The following WDR11 variants were observed in gnomAD, a reference collection of about 807,000 sequenced individuals.
WDR11 encodes the protein WD repeat-containing protein 11.
Under a neutral mutation model 151.2 loss-of-function variants are expected in WDR11, and 83 were observed. That is an observed-to-expected ratio of 0.55 (90% CI 0.46 to 0.66). The LOEUF is 0.66. Ranked by LOEUF, WDR11 falls within the 30% of genes least tolerant of loss-of-function variation. The pLI, the probability that WDR11 is intolerant of heterozygous loss-of-function variation, is 0.00. For missense variants in WDR11, 1,301 were observed against 1,480.9 expected, an observed-to-expected ratio of 0.88 and a Z score of 1.99; for synonymous variants, 484 against 533.1, an observed-to-expected ratio of 0.91 and a Z score of 1.27.
In WDR11 at chr10:120,865,216, T is replaced by C. The variant is rs1846270796; in HGVS notation, c.879+4T>C. On this transcript the variant is annotated splice_donor_region_variant and intron_variant, in intron 6 of 28. Coordinates refer to ENST00000263461, the MANE Select transcript of WDR11 (RefSeq NM_018117.12). ...CACAGGAGTTCCATTTTTACAGGTA[T>C]CTACAATTCATAAATTATATTCCCC... 3.1e-6 allele frequency: 5 copies of C among 1,613,418 alleles called. No homozygotes were observed. Among genetic ancestry groups the C allele is most frequent in the Non-Finnish European group, 4.2e-6 (5 of 1,179,520 alleles).
chr10:120,860,711 C>T (rs914677067), intron 4 of WDR11, among the ~76,000 whole-genome samples: 10 of 152,114 alleles, frequency 6.6e-5, no homozygotes, highest in Non-Finnish European at 1.5e-4. Context: ...TAAACAGATG[C>T]ATGTAAAGAA....
rs555957467 is a variant in WDR11 at position 120,862,651 on chromosome 10, T to C, written c.527-84T>C. 87 of 1,339,792 alleles carry C rather than the reference T, an allele frequency of 6.5e-5. 1 individual carries two copies. The East Asian group carries it at 1.9e-3, about 30-fold the overall frequency. The allele number at this position is 1,339,792 out of a possible 1,614,324, so 83.0% of individuals were successfully genotyped here. A position where few individuals can be genotyped will look rare whatever the true frequency, so the allele number is the denominator to read the frequency against. On this transcript the variant is annotated intron_variant, in intron 4 of 28. Transcript: ENST00000263461. ...TTATATATTATTAAAATTATCACTATATTGCTCTCAAAATTGTATTGGAAT... is the reference window on the plus strand; with the variant it reads ...TTATATATTATTAAAATTATCACTACATTGCTCTCAAAATTGTATTGGAAT...
intron 5 of WDR11, among the ~76,000 whole-genome samples, chr10:120,863,387 A>C (rs1400403590): frequency 1.3e-5 from 2 of 152,194 alleles, no homozygotes; most frequent in Non-Finnish European, 2.9e-5. Flanking sequence ...GGGAAGCTTT[A>C]GCTATGAGAC....
intron 4 of WDR11, 35 bp from the exon 5 acceptor site, chr10:120,862,700 A>G: frequency 6.2e-7 from 1 of 1,605,994 alleles, no homozygotes; most frequent in Non-Finnish European, 8.5e-7. Context: ...AAACTTCATT[A>G]AACTTTAATC....
rs1009379239 is a variant in WDR11, at chr10:120,889,307, G to A, written c.2228+123G>A. 1.3e-4 allele frequency: 93 copies of A among 733,762 alleles called. 1 individual carries two copies. In the Middle Eastern group the frequency reaches 1.3e-3, roughly 11 times the overall value. 45.5% of individuals were successfully genotyped at this position (733,762 alleles called of 1,614,324 possible). On this transcript the variant is annotated intron_variant, in intron 17 of 28. Coordinates refer to ENST00000263461, the MANE Select transcript of WDR11 (RefSeq NM_018117.12). ...GGCTGGAGTGCAGTGGTGCAATCTC[G>A]GCTCACTGCAAGCTCTGACTCCCGG...
At chr10:120,889,505 G>A (rs1484610450) in intron 17 of WDR11, 2 of 395,232 alleles carry the variant, frequency 5.1e-6, no homozygotes, top group African/African-American at 2.0e-5. Flanking sequence ...CTCCCAAAGT[G>A]CTGGGATTAC....
chr10:120,865,827 A>G (rs1367551042), intron 7 of WDR11, 83 bp downstream of exon 7: 9 of 904,414 alleles, frequency 1.0e-5, no homozygotes, highest in East Asian at 2.6e-5. Context: ...CAGCCAAGGT[A>G]TATAGTTAAT....
chr10:120,892,675 G>A (rs919419379), intron 19 of WDR11, among the ~76,000 whole-genome samples: 2 of 152,186 alleles, frequency 1.3e-5, no homozygotes, highest in African/African-American at 2.4e-5. Flanking sequence ...AACAAGTAGA[G>A]AACGTAAAAT....
rs750304214 is a variant in WDR11, at chr10:120,862,846, A to T, written c.638A>T (p.Asn213Ile). The part of the protein sequence containing the change: ...ISSPHSSPAH[N>I]KLATATGAKK... ...AGCCCACACTCTAGCCCAGCTCATA[A>T]CAAGCTGGCCACAGCCACAGGTGCC... Residue 213 changes from asparagine (N) to isoleucine (I), a missense_variant, in exon 5 of 29, where the codon AAC becomes ATC. Transcript: ENST00000263461. 3.7e-6 allele frequency: 6 copies of T among 1,614,156 alleles called. No individual in the cohort carries two copies. The South Asian group carries it at 5.5e-5, about 15-fold the overall frequency.
At chr10:120,856,936 G>A (rs1458727442) in intron 2 of WDR11, among the ~76,000 whole-genome samples, 3 of 152,036 alleles carry the variant, frequency 2.0e-5, no homozygotes, top group Non-Finnish European at 4.4e-5. Flanking sequence ...TTCTTGTGAG[G>A]CTCTGGTCAC....
In WDR11 at chr10:120,860,144, G is replaced by A. The variant is rs770829424; in HGVS notation, c.388G>A (p.Asp130Asn). 8.1e-6 allele frequency: 13 copies of A among 1,613,950 alleles called. No individual in the cohort carries two copies. The highest frequency in any genetic ancestry group is 4.5e-5 in the East Asian group (2 of 44,884). Reference protein sequence around the residue: ...QWLWNQDASRDLLLAIHPPNY... With the variant: ...QWLWNQDASRNLLLAIHPPNY... ...GTTGTGGAATCAAGATGCTTCCCGC[G>A]ATTTACTGCTTGCTATCCACCCGCC... The change falls in exon 4 of 29, where the codon GAT becomes AAT. Residue 130 changes from aspartate (D) to asparagine (N), a missense_variant. Around this residue, in one of 3 missense-constraint regions of WDR11, gnomAD observed 692 missense variants for 762.5 expected, o/e 0.91. Transcript: ENST00000263461.
chr10:120,852,928 A>G (rs1590048290), intron 2 of WDR11, among the ~76,000 whole-genome samples: 1 of 152,318 alleles, frequency 6.6e-6, no homozygotes, highest in East Asian at 1.9e-4. Context: ...TATGGAGATG[A>G]AAGCCCTCAG....
rs533099416 is a variant in WDR11 at position 120,869,238 on chromosome 10, G to A, written c.1295-1932G>A. Among the ~76,000 whole-genome samples the A allele has an allele frequency of 2.0e-3, 306 of 150,502 alleles. 1 individual carries two copies. Among genetic ancestry groups the A allele is most frequent in the African/African-American group, 6.7e-3 (274 of 40,966 alleles). On this transcript the variant is annotated intron_variant, in intron 9 of 28. Coordinates refer to ENST00000263461, the MANE Select transcript of WDR11 (RefSeq NM_018117.12). Reference sequence around the variant, plus strand: ...CCATTCTCCTGCCTCAGCCTCCCGCGTAGCTGGGACTACAGGCGCCCGCCA... The same window carrying A: ...CCATTCTCCTGCCTCAGCCTCCCGCATAGCTGGGACTACAGGCGCCCGCCA...
intron 10 of WDR11, among the ~76,000 whole-genome samples, chr10:120,871,679 G>A (rs76842808): frequency 6.6e-6 from 1 of 152,214 alleles, no homozygotes; most frequent in East Asian, 1.9e-4. Context: ...GACCACCCCA[G>A]TCTTTATGTC....
chr10:120,902,222 C>A, intron 21 of WDR11, 35 bp from the exon 22 acceptor site: 1 of 1,596,988 alleles, frequency 6.3e-7, no homozygotes, highest in Non-Finnish European at 8.6e-7. Context: ...TGATTGAAAA[C>A]TTTTGTCTCA....
At chr10:120,905,273 G>A in intron 25 of WDR11, 46 bp from the exon 26 acceptor site, 3 of 1,588,458 alleles carry the variant, frequency 1.9e-6, no homozygotes, top group Non-Finnish European at 2.6e-6. Context: ...ACTTCTCAAA[G>A]AAGGAGCTGC....
At chr10:120,883,759 T>A (rs1291223914) in intron 13 of WDR11, 21 bp from the exon 14 acceptor site, 1 of 1,610,804 alleles carries the variant, frequency 6.2e-7, no homozygotes, top group East Asian at 2.2e-5. Context: ...GGGGCTTATT[T>A]AGTAATTTTG....
chr10:120,899,083 T>G (rs1847715910), intron 19 of WDR11, among the ~76,000 whole-genome samples: 1 of 152,308 alleles, frequency 6.6e-6, no homozygotes, highest in Non-Finnish European at 1.5e-5. Context: ...AGAGCAGAGC[T>G]GCTGGGCATT....
chr10:120,906,107 C>T (rs1848032886), intron 27 of WDR11, 86 bp downstream of exon 27: 3 of 1,609,606 alleles, frequency 1.9e-6, no homozygotes, highest in South Asian at 1.1e-5. Context: ...GGTCATGGTA[C>T]TCGATGTGTA....
Sources: allele counts gnomAD v4.1 joint callset (sites outside exome capture counted in the v4.1 genomes callset), GRCh38; gene constraint gnomAD v4.1.1; regional missense constraint gnomAD v4.1.1; transcripts MANE v1.5; gene names NCBI Gene and HGNC (gene_info 2026-07-23, HGNC 2026-07-21).